The following PTPRD variants were observed in gnomAD, a reference collection of about 807,000 sequenced individuals.
PTPRD encodes the protein receptor-type tyrosine-protein phosphatase delta.
PTPRD carries 34 observed loss-of-function variants against 214.5 expected under a neutral mutation model. That is an observed-to-expected ratio of 0.16 (90% CI 0.12 to 0.21). The LOEUF (loss-of-function observed/expected upper bound fraction) is 0.21. PTPRD is among the 10% of genes least tolerant of loss of function. PTPRD has a pLI of 1.00. For synonymous variants in PTPRD, 1,128 were observed against 845.7 expected (o/e 1.33, Z -5.79); for missense variants, 2,545 against 2,398.7 (o/e 1.06, Z -1.27).
In PTPRD at chr9:10,003,645, A is replaced by G. The variant is rs139216937; in HGVS notation, c.-472+30073T>C. On this transcript the variant is annotated intron_variant, in intron 4 of 45. Transcript: ENST00000381196. ...ACTAAAATAACCCAATAAGATTAAT[A>G]TTGGGTTAATATTAATAACCCAATA... is the stretch of plus-strand genomic sequence containing the variant. Among the ~76,000 whole-genome samples the G allele has an allele frequency of 3.4e-4, 51 of 151,938 alleles. No individual in the cohort carries two copies. The East Asian group carries it at 9.3e-3, about 28-fold the overall frequency.
chr9:8,753,368 A>T (rs966792393), intron 11 of PTPRD, among the ~76,000 whole-genome samples: 3 of 152,236 alleles, frequency 2.0e-5, no homozygotes, highest in Non-Finnish European at 2.9e-5. Flanking sequence ...ATAATTTTAG[A>T]TGCTATTTTC....
rs35757801 is a variant in PTPRD, at chr9:8,577,235, A to ATTTG, written c.353-48460_353-48457dup. Among the ~76,000 whole-genome samples the ATTTG allele has an allele frequency of 9.3e-5, 14 of 150,568 alleles. No individual in the cohort carries two copies. In the South Asian group the frequency reaches 2.3e-3, roughly 25 times the overall value. ...AAGAACTTGAACTCTTTTATTTTTT[A>ATTTG]TTTGTTTGTTTGTTTGTTTATTTAT... is the stretch of plus-strand genomic sequence containing the variant. On this transcript the variant is annotated intron_variant, in intron 14 of 45. Transcript: ENST00000381196.
At chr9:9,774,708 C>A (rs553710797) in intron 5 of PTPRD, among the ~76,000 whole-genome samples, 35 of 152,196 alleles carry the variant, frequency 2.3e-4, no homozygotes, top group African/African-American at 7.9e-4. Context: ...ATATAGAAGC[C>A]TTGAGGGAGT....
chr9:9,314,837 A>G (rs1435712293), intron 9 of PTPRD, among the ~76,000 whole-genome samples: 2 of 152,050 alleles, frequency 1.3e-5, no homozygotes, highest in Non-Finnish European at 2.9e-5. Context: ...ATATGTTTGA[A>G]ATAAGCTGAT....
intron 4 of PTPRD, among the ~76,000 whole-genome samples, chr9:9,950,946 T>C (rs776516698): frequency 1.3e-5 from 2 of 152,166 alleles, no homozygotes; most frequent in Non-Finnish European, 2.9e-5. Context: ...AAATCAGGCA[T>C]AGCAGCAGAA....
intron 42 of PTPRD, among the ~76,000 whole-genome samples, chr9:8,340,061 A>C (rs1588097791): frequency 6.6e-6 from 1 of 152,260 alleles, no homozygotes; most frequent in Middle Eastern, 3.4e-3. Context: ...ATGCTAAAAG[A>C]AGTCCGACAT....
rs75853111 is a variant in PTPRD, at chr9:9,230,645, C to T, written c.-202-47282G>A. Among the ~76,000 whole-genome samples the T allele has an allele frequency of 6.9e-3, 1,054 of 152,190 alleles. 11 individuals are homozygous for T. The highest frequency in any genetic ancestry group is 0.023 in the African/African-American group (974 of 41,526). On this transcript the variant is annotated intron_variant, in intron 9 of 45. Transcript: ENST00000381196. ...GTCAGAATTGGATTGAATGCTAGGA[C>T]ACCCAGCTGTTTGGTGGAGAGTTGG...
intron 5 of PTPRD, among the ~76,000 whole-genome samples, chr9:9,772,902 G>C (rs1388469095): frequency 1.3e-5 from 2 of 152,076 alleles, no homozygotes; most frequent in Non-Finnish European, 2.9e-5. Flanking sequence ...CACGTATGCT[G>C]ACAAACATTG....
At chr9:9,721,230 T>G (rs553395837) in intron 7 of PTPRD, among the ~76,000 whole-genome samples, 87 of 152,240 alleles carry the variant, frequency 5.7e-4, no homozygotes, top group Non-Finnish European at 1.1e-3. Context: ...CTTCAAGACA[T>G]CTCAGATTTT....
chr9:10,313,835 G>C lies in PTPRD; in HGVS notation c.-545+27128C>G, dbSNP rs553669851. 4.6e-5 allele frequency among the ~76,000 whole-genome samples: 7 copies of C among 152,022 alleles called. No homozygotes were observed. The East Asian group carries it at 1.2e-3, about 25-fold the overall frequency. ...TAATACCTTTCCCTTACTATGCAGA[G>C]AGAGATGTATAAATGATGCATGGGC... On this transcript the variant is annotated intron_variant, in intron 3 of 45. Transcript: ENST00000381196.
intron 3 of PTPRD, among the ~76,000 whole-genome samples, chr9:10,150,879 T>C (rs868705712): frequency 1.3e-5 from 2 of 152,022 alleles, no homozygotes; most frequent in South Asian, 2.1e-4. Context: ...AAAAATTTTA[T>C]AGTATCCCCA....
intron 5 of PTPRD, among the ~76,000 whole-genome samples, chr9:9,854,835 T>C (rs548811518): frequency 7.2e-5 from 11 of 152,302 alleles, no homozygotes; most frequent in African/African-American, 2.4e-4. Flanking sequence ...CCTTTTGCTA[T>C]AACTATGGAT....
chr9:8,868,221 G>A (rs1311457786), intron 11 of PTPRD, among the ~76,000 whole-genome samples: 2 of 152,112 alleles, frequency 1.3e-5, no homozygotes, highest in African/African-American at 2.4e-5. Flanking sequence ...TATATTTTGA[G>A]ACAGAGTCTC....
rs116193746 is a variant in PTPRD at position 9,876,429 on chromosome 9, G to A, written c.-368+62078C>T. On this transcript the variant is annotated intron_variant, in intron 5 of 45. Transcript: ENST00000381196. ...TGTGAAATTTCACTTATATTTAAAC[G>A]GAGCTGTGAATGTCTCTTCAGGGCA... Among the ~76,000 whole-genome samples the A allele has an allele frequency of 4.7e-3, 721 of 152,054 alleles. 3 individuals carry two copies. Among genetic ancestry groups the A allele is most frequent in the African/African-American group, 7.8e-3 (322 of 41,496 alleles).
intron 7 of PTPRD, among the ~76,000 whole-genome samples, chr9:9,666,860 T>G (rs896456658): frequency 6.6e-6 from 1 of 152,048 alleles, no homozygotes; most frequent in African/African-American, 2.4e-5. Flanking sequence ...TTCTACTCCT[T>G]TTTTCCCTTA....
chr9:9,179,381 C>T (rs2099926788), intron 10 of PTPRD, among the ~76,000 whole-genome samples: 1 of 152,092 alleles, frequency 6.6e-6, no homozygotes, highest in South Asian at 2.1e-4. Flanking sequence ...TTAACAGTTT[C>T]TGGCTATCAT....
chr9:10,078,059 G>C (rs1567534142), intron 3 of PTPRD, among the ~76,000 whole-genome samples: 1 of 151,826 alleles, frequency 6.6e-6, no homozygotes, highest in African/African-American at 2.4e-5. Context: ...CAAGTGGCTG[G>C]AGATGGAATA....
Position 9,886,842 on chromosome 9 carries a change from C to T in PTPRD, c.-368+51665G>A, listed in dbSNP as rs115448024. Among the ~76,000 whole-genome samples, 1,263 of 152,172 alleles carry T rather than the reference C, an allele frequency of 8.3e-3. 11 individuals are homozygous for T. Among genetic ancestry groups the T allele is most frequent in the Middle Eastern group, 0.034 (10 of 294 alleles). On this transcript the variant is annotated intron_variant, in intron 5 of 45. Transcript: ENST00000381196. The stretch of plus-strand genomic sequence containing the variant: ...CTTTGATGAAGTTCAAATTAACCCA[C>T]GTGGAGAGACCACATGGGAAAGCCT...
At chr9:10,449,743 AC>A (rs2098827091) in intron 2 of PTPRD, among the ~76,000 whole-genome samples, 1 of 151,606 alleles carries the variant, frequency 6.6e-6, no homozygotes, top group African/African-American at 2.4e-5. Context: ...TGGGAGGTGT[AC>A]CCAACAGCTC....
Sources: allele counts gnomAD v4.1 joint callset (sites outside exome capture counted in the v4.1 genomes callset), GRCh38; gene constraint gnomAD v4.1.1; transcripts MANE v1.5; gene names NCBI Gene and HGNC (gene_info 2026-07-23, HGNC 2026-07-21).